Variants in DST observed in about 807,000 individuals in gnomAD.
The protein encoded by DST is dystonin.
Under a neutral mutation model 875.2 loss-of-function variants are expected in DST, and 253 were observed. That is an observed-to-expected ratio of 0.29 (90% CI 0.26 to 0.32). The LOEUF (loss-of-function observed/expected upper bound fraction) is 0.32. DST is among the 10% of genes least tolerant of loss of function. DST has a pLI of 1.00. For missense variants in DST, 8,287 were observed against 9,111.6 expected, an observed-to-expected ratio of 0.91 and a Z score of 3.68; for synonymous variants, 3,124 against 3,197.1, an observed-to-expected ratio of 0.98 and a Z score of 0.77.
At chr6:56,484,927 T>C (rs988554420) in intron 88 of DST, 45 of 181,842 alleles carry the variant, frequency 2.5e-4, no homozygotes, top group Non-Finnish European at 2.3e-5. Flanking sequence ...TACATACTTA[T>C]GCAATGACTT....
intron 36 of DST, chr6:56,619,827 C>T: frequency 1.2e-6 from 2 of 1,614,086 alleles, no homozygotes; most frequent in Admixed American, 1.7e-5. Flanking sequence ...AGCAAACGAG[C>T]CTTTTCCTCA....
chr6:56,659,891 G>A (rs1407768422), intron 10 of DST, among the ~76,000 whole-genome samples: 11 of 152,228 alleles, frequency 7.2e-5, no homozygotes, highest in Non-Finnish European at 1.5e-4. Context: ...CACAGCAGGA[G>A]GGGACAGGCT....
chr6:56,913,111 T>G lies in DST; in HGVS notation c.217-12490A>C, dbSNP rs546802538. Reference sequence around the variant, plus strand: ...CATCTTATTACATAGCCAAACAGAATCTGAGTCCCATTTATCTAACACTTT... The same window carrying G: ...CATCTTATTACATAGCCAAACAGAAGCTGAGTCCCATTTATCTAACACTTT... On this transcript the variant is annotated intron_variant, in intron 2 of 103. Transcript: ENST00000680361. 5.8e-4 allele frequency among the ~76,000 whole-genome samples: 89 copies of G among 152,320 alleles called. 1 individual carries two copies. Among genetic ancestry groups the G allele is most frequent in the Middle Eastern group, 6.8e-3 (2 of 294 alleles).
At chr6:56,780,558 C>T (rs1018874208) in intron 4 of DST, among the ~76,000 whole-genome samples, 2 of 152,088 alleles carry the variant, frequency 1.3e-5, no homozygotes, top group Non-Finnish European at 2.9e-5. Context: ...CCTTTGCCCA[C>T]TTTTTGATGG....
chr6:56,876,140 T>C (rs1332447219), intron 3 of DST, among the ~76,000 whole-genome samples: 5 of 152,122 alleles, frequency 3.3e-5, no homozygotes, highest in Admixed American at 6.5e-5. Context: ...TTTCCCTGAA[T>C]TGTCACTGTC....
intron 48 of DST, 78 bp downstream of exon 48, chr6:56,593,585 T>C (rs2098325823): frequency 1.6e-6 from 2 of 1,240,306 alleles, no homozygotes; most frequent in Non-Finnish European, 2.2e-6. Context: ...TTAGGTTTCT[T>C]GCCTCTTGTT....
chr6:56,852,085 C>A, intron 3 of DST: 8 of 1,372,834 alleles, frequency 5.8e-6, no homozygotes, highest in Non-Finnish European at 6.6e-6. Context: ...CAACTCCTTT[C>A]CGCTTCAAGT....
intron 75 of DST, 57 bp downstream of exon 75, chr6:56,508,472 T>G: frequency 7.2e-7 from 1 of 1,387,046 alleles, no homozygotes; most frequent in South Asian, 1.2e-5. Flanking sequence ...CCAAGGAATC[T>G]GGATTTCATT....
chr6:56,879,834 C>T (rs549823087), intron 3 of DST, among the ~76,000 whole-genome samples: 5 of 152,260 alleles, frequency 3.3e-5, no homozygotes, highest in African/African-American at 9.6e-5. Flanking sequence ...AGTGCTGAAA[C>T]CAGAATTTAA....
chr6:56,620,815 T>G, intron 36 of DST: 1 of 1,095,698 alleles, frequency 9.1e-7, no homozygotes, highest in East Asian at 2.4e-5. Flanking sequence ...CCAAGTGAAC[T>G]CAAATGCAGA....
chr6:56,893,258 GT>G (rs2127666940), intron 3 of DST, among the ~76,000 whole-genome samples: 1 of 152,260 alleles, frequency 6.6e-6, no homozygotes, highest in South Asian at 2.1e-4. Context: ...ATGATGTTTG[GT>G]TTTCCATTCC....
rs751468220 is a variant in DST at position 56,517,609 on chromosome 6, T to C, written c.18141A>G (p.Ala6047=). The part of the protein sequence containing the change: ...AILRSQQFDQ[A]ADAELSWITE... The stretch of plus-strand genomic sequence containing the variant: ...TAATCCAGGATAACTCAGCATCAGC[T>C]GCTTGGTCAAACTAAACAAAAGATA... The change falls in exon 70 of 104, where the codon GCA becomes GCG. Residue 6047 remains alanine, a synonymous_variant. Transcript: ENST00000680361. The C allele has an allele frequency of 6.2e-7, 1 of 1,612,702 alleles. No individual in the cohort carries two copies. Among genetic ancestry groups the C allele is most frequent in the Non-Finnish European group, 8.5e-7 (1 of 1,179,376 alleles).
Position 56,795,971 on chromosome 6 carries a change from C to T in DST, c.625+55426G>A, listed in dbSNP as rs555026422. 2.0e-5 allele frequency among the ~76,000 whole-genome samples: 3 copies of T among 152,218 alleles called. No homozygotes were observed. The South Asian group carries it at 6.2e-4, about 32-fold the overall frequency. ...GGTACTACTAGAGAAGACAGTTTGT[C>T]AAAACAAGGTTGTAATCAAGTCTTG... On this transcript the variant is annotated intron_variant, in intron 4 of 103. Coordinates refer to ENST00000680361, the MANE Select transcript of DST (RefSeq NM_001374736.1).
rs377094437 is a variant in DST at position 56,560,388 on chromosome 6, T to C, written c.14346A>G (p.Lys4782=). The stretch of plus-strand genomic sequence containing the variant: ...TCAATTTGTCTTTCAACTCCTGTAC[T>C]TTGTTTACATTCTGCTTCAGTTCTG... ...FEAELKQNVN[K]VQELKDKLTE... The change falls in exon 58 of 104, where the codon AAA becomes AAG. Residue 4782 remains lysine (K), a synonymous_variant. Coordinates refer to ENST00000680361, the MANE Select transcript of DST (RefSeq NM_001374736.1). The C allele has an allele frequency of 6.2e-7, 1 of 1,603,690 alleles. No individual in the cohort carries two copies.
At chr6:56,885,419 C>A (rs1784288184) in intron 3 of DST, among the ~76,000 whole-genome samples, 1 of 151,864 alleles carries the variant, frequency 6.6e-6, no homozygotes, top group Non-Finnish European at 1.5e-5. Context: ...GCAGTTGAAC[C>A]ATTTTACATT....
chr6:56,505,441 T>C (rs2152466119), intron 77 of DST, among the ~76,000 whole-genome samples: 1 of 151,432 alleles, frequency 6.6e-6, no homozygotes, highest in South Asian at 2.1e-4. Context: ...TTACTTGTCA[T>C]TGATACCTAA....
At chr6:56,789,162 T>G (rs2099710783) in intron 4 of DST, among the ~76,000 whole-genome samples, 1 of 152,104 alleles carries the variant, frequency 6.6e-6, no homozygotes, top group Admixed American at 6.6e-5. Context: ...GAGACCCTGT[T>G]TCTATAAAAA....
At chr6:56,848,559 C>T (rs1279612585) in intron 4 of DST, among the ~76,000 whole-genome samples, 1 of 152,136 alleles carries the variant, frequency 6.6e-6, no homozygotes, top group African/African-American at 2.4e-5. Context: ...ATAACCTGTA[C>T]CCTCATCCTC....
chr6:56,908,613 C>G (rs1297351822), intron 2 of DST, among the ~76,000 whole-genome samples: 1 of 152,172 alleles, frequency 6.6e-6, no homozygotes, highest in African/African-American at 2.4e-5. Context: ...CCACCTTAAA[C>G]AGGAGCTAGG....
Sources: allele counts gnomAD v4.1 joint callset (sites outside exome capture counted in the v4.1 genomes callset), GRCh38; gene constraint gnomAD v4.1.1; transcripts MANE v1.5; gene names NCBI Gene and HGNC (gene_info 2026-07-23, HGNC 2026-07-21).